The following BEND3 variants were observed in gnomAD, a reference collection of about 807,000 sequenced individuals.
BEND3 encodes BEN domain containing 3.
BEND3 carries 13 observed loss-of-function variants against 60.1 expected under a neutral mutation model. That is an observed-to-expected ratio of 0.22 (90% CI 0.14 to 0.34). The LOEUF is 0.34. Ranked by LOEUF, BEND3 falls within the 10% of genes least tolerant of loss-of-function variation. BEND3 has a pLI of 1.00. For synonymous variants in BEND3, 497 were observed against 491.5 expected, an observed-to-expected ratio of 1.01 and a Z score of -0.15; for missense variants, 896 against 1,138.1, an observed-to-expected ratio of 0.79 and a Z score of 3.06.
chr6:107,081,345 C>T (rs887744248), intron 3 of BEND3, among the ~76,000 whole-genome samples: 38 of 151,830 alleles, frequency 2.5e-4, no homozygotes, highest in Non-Finnish European at 4.0e-4. Flanking sequence ...CTTAGCCTTC[C>T]GAGTAACTGG....
chr6:107,099,213 T>TA lies in BEND3; in HGVS notation c.37+35dup, dbSNP rs781905165. On this transcript the variant is annotated intron_variant, in intron 2 of 3. Coordinates refer to ENST00000369042, the MANE Select transcript of BEND3 (RefSeq NM_001367314.1). ...TATGACCTGATCAAAAGTATTCAGT[T>TA]AAAAACATTTTTCAAAAAGGGCATT... 7.8e-6 allele frequency: 12 copies of TA among 1,538,478 alleles called. No homozygotes were observed. In the Admixed American group the frequency reaches 1.7e-4, roughly 22 times the overall value.
chr6:107,087,537 G>A (rs1208817754), intron 3 of BEND3, among the ~76,000 whole-genome samples: 1 of 152,140 alleles, frequency 6.6e-6, no homozygotes, highest in East Asian at 1.9e-4. Context: ...AGGAGTTTGA[G>A]ACCAGCCTGA....
intron 3 of BEND3, among the ~76,000 whole-genome samples, chr6:107,092,951 G>A (rs1775507905): frequency 6.6e-6 from 1 of 152,052 alleles, no homozygotes. Context: ...GTATATGAGG[G>A]AAAGTACAAA....
At chr6:107,111,707 C>A (rs1582678160) in intron 1 of BEND3, among the ~76,000 whole-genome samples, 1 of 152,036 alleles carries the variant, frequency 6.6e-6, no homozygotes, top group South Asian at 2.1e-4. Context: ...CCAGGCCAGG[C>A]GCGATGGCTT....
At position 107,070,407 on chromosome 6, in the gene BEND3, A is replaced by T. The variant is rs781808613; in HGVS notation, c.784T>A (p.Ser262Thr). The change falls in exon 4 of 4, where the codon TCA becomes ACA. Residue 262 changes from serine (S) to threonine (T), a missense_variant. Around this residue, in one of 4 missense-constraint regions of BEND3, gnomAD observed 846 missense variants for 1,036.7 expected, o/e 0.82. Coordinates refer to ENST00000369042, the MANE Select transcript of BEND3 (RefSeq NM_001367314.1). The surrounding 1 kb of genome is among the most constrained non-coding windows in gnomAD (Gnocchi z 6.9). Reference sequence around the variant, plus strand: ...AAGCGGCAGGCCAGGTCCCCCCCTGACAGGCTCTGGTCCACGATCTGCTTG... The same window carrying T: ...AAGCGGCAGGCCAGGTCCCCCCCTGTCAGGCTCTGGTCCACGATCTGCTTG... Reference protein sequence around the residue: ...ELKQIVDQSLSGGDLACRLLV... With the variant: ...ELKQIVDQSLTGGDLACRLLV... 26 of 1,613,956 alleles carry T rather than the reference A, an allele frequency of 1.6e-5. No individual in the cohort carries two copies. The South Asian group carries it at 2.9e-4, about 18-fold the overall frequency.
intron 1 of BEND3, among the ~76,000 whole-genome samples, chr6:107,106,622 T>C (rs200598385): frequency 5.3e-5 from 8 of 152,196 alleles, no homozygotes; most frequent in South Asian, 2.1e-4. Flanking sequence ...ATTTTTTTTT[T>C]CCCCAGAGAT....
intron 1 of BEND3, among the ~76,000 whole-genome samples, chr6:107,101,774 C>T (rs1359264072): frequency 2.6e-5 from 4 of 152,138 alleles, no homozygotes; most frequent in Admixed American, 2.0e-4. Flanking sequence ...CAATGCCAGG[C>T]AGAAATTCAA....
At chr6:107,099,143 G>A in intron 2 of BEND3, 106 bp downstream of exon 2, 2 of 894,868 alleles carry the variant, frequency 2.2e-6, no homozygotes, top group Non-Finnish European at 3.6e-6. Flanking sequence ...GGGTGGAGGG[G>A]ACTTTTCACT....
chr6:107,070,066 C>T lies in BEND3; in HGVS notation c.1125G>A (p.Glu375=), dbSNP rs782367680. The change falls in exon 4 of 4, where the codon GAG becomes GAA. Residue 375 remains glutamate, a synonymous_variant. Transcript: ENST00000369042. This position sits in a 1 kb window ranked among gnomAD's most constrained non-coding sequence, Gnocchi z 6.9. The part of the protein sequence containing the change: ...PGHFLDNKDQ[E]EALSLDRSST... ...TGCTCCGGTCAAGAGACAGGGCCTCCTCCTGGTCTTTGTTGTCCAGGAAGT... is the reference window on the plus strand; with the variant it reads ...TGCTCCGGTCAAGAGACAGGGCCTCTTCCTGGTCTTTGTTGTCCAGGAAGT... 6.2e-7 allele frequency: 1 copy of T among 1,613,748 alleles called. No homozygotes were observed. Among genetic ancestry groups the T allele is most frequent in the Non-Finnish European group, 8.5e-7 (1 of 1,180,044 alleles).
intron 3 of BEND3, among the ~76,000 whole-genome samples, chr6:107,073,201 G>GTGTA (rs1775021830): frequency 8.8e-5 from 2 of 22,644 alleles, no homozygotes; most frequent in African/African-American, 1.5e-4. Context: ...GTATGTGTAT[G>GTGTA]TATATATATA....
At chr6:107,087,040 A>T (rs891540043) in intron 3 of BEND3, among the ~76,000 whole-genome samples, 2 of 150,602 alleles carry the variant, frequency 1.3e-5, no homozygotes, top group Admixed American at 6.6e-5. Flanking sequence ...AAAAAAAAAA[A>T]AGAAAAAGAA....
chr6:107,099,872 AT>A (rs35134580), intron 1 of BEND3, among the ~76,000 whole-genome samples: 18 of 147,960 alleles, frequency 1.2e-4, no homozygotes, highest in Admixed American at 2.7e-4. Context: ...CTCACTAGTA[AT>A]TTTTTTTTTT....
intron 3 of BEND3, among the ~76,000 whole-genome samples, chr6:107,091,780 T>C (rs2115019783): frequency 6.6e-6 from 1 of 152,262 alleles, no homozygotes; most frequent in Non-Finnish European, 1.5e-5. Flanking sequence ...GTAGAGAAAC[T>C]ACTTCCTAAC....
At chr6:107,099,784 T>C (rs1775667046) in intron 1 of BEND3, among the ~76,000 whole-genome samples, 1 of 152,016 alleles carries the variant, frequency 6.6e-6, no homozygotes, top group Non-Finnish European at 1.5e-5. Context: ...ACTCAAAATG[T>C]GGCTAGTCCA....
At chr6:107,077,089 T>G (rs181543828) in intron 3 of BEND3, among the ~76,000 whole-genome samples, 1 of 152,128 alleles carries the variant, frequency 6.6e-6, no homozygotes, top group African/African-American at 2.4e-5. Flanking sequence ...GGTCTCCCTC[T>G]AGAACATGTA....
intron 1 of BEND3, chr6:107,114,011 C>T (rs1770192442): frequency 6.6e-6 from 1 of 152,240 alleles, no homozygotes; most frequent in East Asian, 1.9e-4. Context: ...AGTGAGTAAC[C>T]TTGTTCCTCC....
intron 1 of BEND3, among the ~76,000 whole-genome samples, chr6:107,107,709 G>A (rs1554237734): frequency 1.3e-5 from 2 of 152,194 alleles, no homozygotes. Flanking sequence ...AGTTCCACCT[G>A]CCTTGGCCTC....
chr6:107,085,793 AT>A lies in BEND3; in HGVS notation c.240+12757del, dbSNP rs36101665. ...GGCGTGAGCCACCGCACCTGGCCTT[AT>A]TTTTTTTTTTGAGACGGAGTCTTGC... On this transcript the variant is annotated intron_variant, in intron 3 of 3. Transcript: ENST00000369042. 9.5e-3 allele frequency among the ~76,000 whole-genome samples: 1,013 copies of A among 106,844 alleles called. 14 individuals carry two copies. The highest frequency in any genetic ancestry group is 0.033 in the African/African-American group (949 of 28,338). The allele number at this position is 106,844 out of a possible 152,430, so 70.1% of individuals were successfully genotyped here.
Position 107,070,738 on chromosome 6 carries a change from G to T in BEND3, c.453C>A (p.Asn151Lys), listed in dbSNP as rs146306776. The change falls in exon 4 of 4, where the codon AAC (asparagine) becomes AAA (lysine). Residue 151 changes from asparagine to lysine, a missense_variant. Asn to Lys is a moderately conservative substitution (Grantham distance 94, BLOSUM62 0). Transcript: ENST00000369042. This position sits in a 1 kb window ranked among gnomAD's most constrained non-coding sequence, Gnocchi z 6.9. ...KKNPPSGDLL[N>K]VYELFEKANA... The stretch of plus-strand genomic sequence containing the variant: ...TTGCCTTCTCAAAGAGCTCGTACAC[G>T]TTTAGCAGGTCCCCCGAGGGAGGAT... 1 of 1,614,022 alleles carries T rather than the reference G, an allele frequency of 6.2e-7. No individual in the cohort carries two copies.
Sources: allele counts gnomAD v4.1 joint callset (sites outside exome capture counted in the v4.1 genomes callset), GRCh38; gene constraint gnomAD v4.1.1; regional missense constraint gnomAD v4.1.1; non-coding constraint Gnocchi (gnomAD v3.1); transcripts MANE v1.5; gene names NCBI Gene and HGNC (gene_info 2026-07-23, HGNC 2026-07-21).